The following IQGAP2 variants were observed in gnomAD, a reference collection of about 807,000 sequenced individuals.
IQGAP2 encodes the protein IQ motif containing GTPase activating protein 2.
Under a neutral mutation model 201.3 loss-of-function variants are expected in IQGAP2, and 173 were observed. The observed-to-expected ratio is 0.86, with a 90% CI of 0.76 to 0.98. The LOEUF (loss-of-function observed/expected upper bound fraction) is 0.98, where lower values mean the gene tolerates loss of function less well. Among genes scored for constraint, IQGAP2 ranks in the 50% least tolerant of loss-of-function variants. The pLI is 0.00. For missense variants in IQGAP2, 1,687 were observed against 1,864.8 expected (o/e 0.90, Z 1.76); for synonymous variants, 675 against 673.9 (o/e 1.00, Z -0.03).
intron 28 of IQGAP2, among the ~76,000 whole-genome samples, chr5:76,679,829 TAAA>T: frequency 6.6e-6 from 1 of 152,326 alleles, no homozygotes; most frequent in East Asian, 1.9e-4. Flanking sequence ...CTCACCTTTT[TAAA>T]AACAACACGT....
At chr5:76,609,097 C>T in intron 12 of IQGAP2, 1 of 1,535,404 alleles carries the variant, frequency 6.5e-7, no homozygotes, top group South Asian at 1.2e-5. Flanking sequence ...ATGACCTCAG[C>T]AGCTTGTATT....
At position 76,429,894 on chromosome 5, in the gene IQGAP2, C is replaced by CACAT. The variant is rs1401698379; in HGVS notation, c.46+26303_46+26304insACAT. On this transcript the variant is annotated intron_variant, in intron 1 of 35. Coordinates refer to ENST00000274364, the MANE Select transcript of IQGAP2 (RefSeq NM_006633.5). ...ACACACACACACACACACACACACACGACTATTTCATTTGTATAGGATTTA... is the reference window on the plus strand; with the variant it reads ...ACACACACACACACACACACACACACACATGACTATTTCATTTGTATAGGATTTA... Among the ~76,000 whole-genome samples the CACAT allele has an allele frequency of 3.0e-4, 45 of 150,352 alleles. No individual in the cohort carries two copies. The South Asian group carries it at 7.3e-3, about 25-fold the overall frequency.
intron 13 of IQGAP2, chr5:76,617,102 T>A (rs1296497132): frequency 6.5e-6 from 1 of 154,684 alleles, no homozygotes; most frequent in Non-Finnish European, 1.4e-5. Flanking sequence ...AGTTGTGATA[T>A]CTTTTCTCCT....
At chr5:76,543,079 T>G (rs2150222390) in intron 2 of IQGAP2, among the ~76,000 whole-genome samples, 1 of 152,290 alleles carries the variant, frequency 6.6e-6, no homozygotes, top group Admixed American at 6.5e-5. Flanking sequence ...TCCTGTGTCT[T>G]ACAGATAATC....
At chr5:76,631,803 C>A in intron 14 of IQGAP2, 56 bp from the exon 15 acceptor site, 1 of 1,290,940 alleles carries the variant, frequency 7.7e-7, no homozygotes, top group South Asian at 1.6e-5. Flanking sequence ...TATTTGCATG[C>A]CTTGAAGTAA....
At chr5:76,564,916 GA>G (rs1744640406) in intron 3 of IQGAP2, among the ~76,000 whole-genome samples, 1 of 152,040 alleles carries the variant, frequency 6.6e-6, no homozygotes, top group South Asian at 2.1e-4. Flanking sequence ...TGAGCTAAAA[GA>G]AAAAAACATA....
At position 76,668,731 on chromosome 5, in the gene IQGAP2, G is replaced by A; in HGVS notation, c.2730G>A (p.Lys910=). The A allele has an allele frequency of 6.2e-7, 1 of 1,611,896 alleles. No homozygotes were observed. The highest frequency in any genetic ancestry group is 1.3e-5 in the African/African-American group (1 of 74,906). Residue 910 remains lysine (K), a synonymous_variant, in exon 23 of 36, where the codon AAG becomes AAA. Transcript: ENST00000274364. ...AKLIFQMPQN[K]STKFMDTVIF... ...TGATTTTCCAGATGCCACAGAACAA[G>A]TCCACTAAATTTATGGATACTGTTA...
At chr5:76,609,532 C>T (rs1390922238) in intron 12 of IQGAP2, among the ~76,000 whole-genome samples, 1 of 152,094 alleles carries the variant, frequency 6.6e-6, no homozygotes, top group Non-Finnish European at 1.5e-5. Context: ...GTTATGGGCT[C>T]ATCTATTCAA....
At chr5:76,604,182 C>T (rs1186135709) in intron 11 of IQGAP2, among the ~76,000 whole-genome samples, 1 of 152,018 alleles carries the variant, frequency 6.6e-6, no homozygotes, top group Non-Finnish European at 1.5e-5. Context: ...CTCCCTGTGA[C>T]CACATGTTCT....
chr5:76,573,617 TTTG>T (rs1745265899), intron 4 of IQGAP2, among the ~76,000 whole-genome samples: 1 of 152,166 alleles, frequency 6.6e-6, no homozygotes, highest in African/African-American at 2.4e-5. Context: ...AATACTCTTT[TTTG>T]TTGTTTTTTG....
chr5:76,428,437 CTTT>C (rs1003388325), intron 1 of IQGAP2, among the ~76,000 whole-genome samples: 5 of 135,686 alleles, frequency 3.7e-5, no homozygotes, highest in Admixed American at 7.5e-5. Flanking sequence ...ATCCTTTTTT[CTTT>C]TTTTTTTTTT....
At chr5:76,409,880 AG>A (rs1437594230) in intron 1 of IQGAP2, among the ~76,000 whole-genome samples, 6 of 152,122 alleles carry the variant, frequency 3.9e-5, no homozygotes, top group Non-Finnish European at 8.8e-5. Flanking sequence ...GAAGCTTTGG[AG>A]TTGAATAGAT....
At chr5:76,496,089 A>G (rs1021239025) in intron 2 of IQGAP2, among the ~76,000 whole-genome samples, 8 of 152,230 alleles carry the variant, frequency 5.3e-5, no homozygotes. Flanking sequence ...ACTTCCTTCA[A>G]GAGAACCAAA....
At chr5:76,458,350 G>A (rs931742606) in intron 1 of IQGAP2, among the ~76,000 whole-genome samples, 1 of 152,172 alleles carries the variant, frequency 6.6e-6, no homozygotes, top group Non-Finnish European at 1.5e-5. Context: ...TTAGCTCCAT[G>A]ATGGATCTTT....
intron 1 of IQGAP2, among the ~76,000 whole-genome samples, chr5:76,410,603 G>A (rs1487490632): frequency 2.6e-5 from 4 of 152,142 alleles, no homozygotes; most frequent in South Asian, 2.1e-4. Context: ...GGGTTTTGCC[G>A]AGGATAGGTG....
intron 2 of IQGAP2, among the ~76,000 whole-genome samples, chr5:76,526,586 T>C (rs953374523): frequency 6.6e-6 from 1 of 152,234 alleles, no homozygotes; most frequent in Non-Finnish European, 1.5e-5. Context: ...TATAAATGTT[T>C]TAACAATAAC....
At chr5:76,678,679 T>G (rs1745038965) in intron 28 of IQGAP2, among the ~76,000 whole-genome samples, 1 of 152,186 alleles carries the variant, frequency 6.6e-6, no homozygotes, top group Non-Finnish European at 1.5e-5. Flanking sequence ...CAGTTAAGGA[T>G]GCACCCAACT....
chr5:76,579,426 A>G (rs1257776047), intron 5 of IQGAP2, among the ~76,000 whole-genome samples: 1 of 145,480 alleles, frequency 6.9e-6, no homozygotes, highest in East Asian at 2.2e-4. Flanking sequence ...GCATCAGGCT[A>G]AACTTTCTTT....
In IQGAP2 at chr5:76,611,061, G is replaced by A; in HGVS notation, c.1399G>A (p.Gly467Arg). 1 of 1,613,848 alleles carries A rather than the reference G, an allele frequency of 6.2e-7. No homozygotes were observed. The highest frequency in any genetic ancestry group is 1.1e-5 in the South Asian group (1 of 91,066). Reference protein sequence around the residue: ...VGYINEAIDEGNPLRTLETLL... With the variant: ...VGYINEAIDERNPLRTLETLL... ...GTACATCAATGAAGCTATTGATGAA[G>A]GGAATCCTTTGAGGACTTTAGAAAC... Residue 467 changes from glycine (G) to arginine (R), a missense_variant, in exon 13 of 36, where the codon GGG becomes AGG. Coordinates refer to ENST00000274364, the MANE Select transcript of IQGAP2 (RefSeq NM_006633.5).
Sources: gnomAD v4.1 joint callset for allele counts (sites outside exome capture counted in the v4.1 genomes callset) on GRCh38, gnomAD v4.1.1 for gene constraint, MANE v1.5 for transcripts, NCBI Gene and HGNC (gene_info 2026-07-23, HGNC 2026-07-21) for gene names.